NTRK2: variants seen among roughly 807,000 people sequenced by gnomAD.
NTRK2 encodes BDNF/NT-3 growth factors receptor.
NTRK2 carries 13 observed loss-of-function variants against 94.5 expected under a neutral mutation model. The observed-to-expected ratio is 0.14, with a 90% CI of 0.09 to 0.22. NTRK2 has a LOEUF of 0.22. Among genes scored for constraint, NTRK2 ranks in the 10% least tolerant of loss-of-function variants. The pLI is 1.00. For synonymous variants in NTRK2, 372 were observed against 407.4 expected, an observed-to-expected ratio of 0.91 and a Z score of 1.05; for missense variants, 639 against 1,071.2, an observed-to-expected ratio of 0.60 and a Z score of 5.63.
chr9:84,759,723 T>C (rs2065385841), intron 12 of NTRK2, among the ~76,000 whole-genome samples: 1 of 152,246 alleles, frequency 6.6e-6, no homozygotes, highest in African/African-American at 2.4e-5. Flanking sequence ...GAAAATCTTC[T>C]GGTTTTCTTC....
chr9:84,708,001 A>G lies in NTRK2; in HGVS notation c.428+89A>G, dbSNP rs1042824884. The G allele has an allele frequency of 3.1e-6, 3 of 981,640 alleles. No individual in the cohort carries two copies. In the African/African-American group the frequency reaches 4.8e-5, roughly 16 times the overall value. 60.8% of individuals were successfully genotyped at this position (981,640 alleles called of 1,614,324 possible). On this transcript the variant is annotated intron_variant, in intron 5 of 18. Coordinates refer to ENST00000277120, the MANE Select transcript of NTRK2 (RefSeq NM_006180.6). ...TTTCTTTTAATGAGTGATGTTGCAG[A>G]TCTATTTTTATACCAAATTCTCAAA...
intron 12 of NTRK2, among the ~76,000 whole-genome samples, chr9:84,819,915 C>G (rs1471908530): frequency 6.6e-6 from 1 of 152,156 alleles, no homozygotes; most frequent in African/African-American, 2.4e-5. Context: ...TCATTTGAAC[C>G]ATATGGGGTG....
At position 84,948,400 on chromosome 9, in the gene NTRK2, T is replaced by C. The variant is rs566837373; in HGVS notation, c.1765-62T>C. On this transcript the variant is annotated intron_variant, in intron 15 of 18. Transcript: ENST00000277120. ...TGCCTAACAAATGAGATGGATGTCT[T>C]TCCTATCTCAGTATCATAGGGCCCA... 2.6e-6 allele frequency: 4 copies of C among 1,519,730 alleles called. No individual in the cohort carries two copies. In the East Asian group the frequency reaches 9.1e-5, roughly 35 times the overall value. The allele number at this position is 1,519,730 out of a possible 1,614,324, so 94.1% of individuals were successfully genotyped here.
intron 17 of NTRK2, among the ~76,000 whole-genome samples, chr9:84,975,344 CA>C (rs774179975): frequency 5.9e-5 from 9 of 152,222 alleles, no homozygotes; most frequent in Middle Eastern, 6.8e-3. Context: ...GGAGACTTTT[CA>C]GCAAATGGAA....
At chr9:84,809,266 A>G (rs997150202) in intron 12 of NTRK2, among the ~76,000 whole-genome samples, 20 of 152,060 alleles carry the variant, frequency 1.3e-4, no homozygotes, top group African/African-American at 4.6e-4. Flanking sequence ...TTCTCCTTCT[A>G]TGGGCCAATG....
At chr9:84,915,031 C>T (rs1166212265) in intron 14 of NTRK2, among the ~76,000 whole-genome samples, 1 of 152,144 alleles carries the variant, frequency 6.6e-6, no homozygotes, top group Non-Finnish European at 1.5e-5. Flanking sequence ...TAGTTAGAGT[C>T]TCATAAGGAG....
chr9:84,872,215 G>A, intron 14 of NTRK2: 1 of 1,143,694 alleles, frequency 8.7e-7, no homozygotes, highest in Non-Finnish European at 1.1e-6. Context: ...CTCAGCTCAA[G>A]GGCAGCTGTG....
chr9:84,766,554 T>C (rs1030151094), intron 12 of NTRK2, among the ~76,000 whole-genome samples: 3 of 152,014 alleles, frequency 2.0e-5, no homozygotes, highest in Non-Finnish European at 2.9e-5. Flanking sequence ...GGGAAAGATA[T>C]CTCATGCGGG....
At chr9:84,774,070 G>T (rs530446464) in intron 12 of NTRK2, among the ~76,000 whole-genome samples, 1 of 152,060 alleles carries the variant, frequency 6.6e-6, no homozygotes, top group Non-Finnish European at 1.5e-5. Context: ...TTCTTCCTTT[G>T]TTTATTCTCC....
intron 2 of NTRK2, 118 bp from the exon 3 acceptor site, chr9:84,702,041 A>G (rs2060761299): frequency 1.2e-6 from 1 of 847,344 alleles, no homozygotes; most frequent in African/African-American, 1.7e-5. Context: ...AAAAATGGCA[A>G]GGCTCAGAGT....
intron 17 of NTRK2, among the ~76,000 whole-genome samples, chr9:84,977,466 G>A (rs1827031371): frequency 2.0e-5 from 3 of 152,188 alleles, no homozygotes; most frequent in African/African-American, 7.2e-5. Flanking sequence ...AAGGTAGAAT[G>A]TCTCCTTGTT....
chr9:85,016,084 G>A (rs77066668), intron 17 of NTRK2, among the ~76,000 whole-genome samples: 116 of 152,280 alleles, frequency 7.6e-4, no homozygotes, highest in African/African-American at 1.1e-3. Context: ...GAAATTCTTC[G>A]TAAATGTTGA....
At chr9:84,807,477 G>A (rs1481912406) in intron 12 of NTRK2, among the ~76,000 whole-genome samples, 1 of 152,166 alleles carries the variant, frequency 6.6e-6, no homozygotes, top group Non-Finnish European at 1.5e-5. Flanking sequence ...CAGCTAGTGC[G>A]TGCAATGGTG....
At chr9:84,978,633 G>C (rs769489791) in intron 17 of NTRK2, among the ~76,000 whole-genome samples, 3 of 152,146 alleles carry the variant, frequency 2.0e-5, no homozygotes, top group Non-Finnish European at 4.4e-5. Flanking sequence ...TCATGAAGGT[G>C]GCTGCACTAA....
At chr9:84,693,153 A>T (rs1287721956) in intron 2 of NTRK2, among the ~76,000 whole-genome samples, 2 of 152,222 alleles carry the variant, frequency 1.3e-5, no homozygotes, top group African/African-American at 4.8e-5. Context: ...AATTTTCTAA[A>T]AAATAAAGCA....
intron 13 of NTRK2, 100 bp from the exon 14 acceptor site, chr9:84,867,143 A>G: frequency 8.7e-7 from 1 of 1,145,556 alleles, no homozygotes; most frequent in Non-Finnish European, 1.3e-6. Context: ...ACTAAAACCC[A>G]CTGAATTGTA....
chr9:84,843,134 C>T (rs781356293), intron 12 of NTRK2, among the ~76,000 whole-genome samples: 21 of 152,138 alleles, frequency 1.4e-4, no homozygotes, highest in African/African-American at 4.3e-4. Flanking sequence ...ATGCCTCATG[C>T]GTATAAAGAA....
intron 13 of NTRK2, among the ~76,000 whole-genome samples, chr9:84,864,424 G>T (rs1416329186): frequency 3.3e-5 from 5 of 152,074 alleles, no homozygotes; most frequent in African/African-American, 7.2e-5. Context: ...GGTGATGAAT[G>T]CACCAAAATC....
intron 8 of NTRK2, among the ~76,000 whole-genome samples, chr9:84,726,182 A>C (rs978183613): frequency 3.9e-5 from 6 of 152,194 alleles, no homozygotes; most frequent in Non-Finnish European, 8.8e-5. Context: ...AGAAGCAATA[A>C]ATTATAAATA....
Sources: allele counts gnomAD v4.1 joint callset (sites outside exome capture counted in the v4.1 genomes callset), GRCh38; gene constraint gnomAD v4.1.1; transcripts MANE v1.5; gene names NCBI Gene and HGNC (gene_info 2026-07-23, HGNC 2026-07-21).